HELQ: variants seen among roughly 807,000 people sequenced by gnomAD.
HELQ encodes the protein helicase POLQ-like.
In HELQ, 77 loss-of-function variants were observed where a neutral mutation model predicts 111.6. The observed-to-expected ratio is 0.69, with a 90% CI of 0.57 to 0.83. HELQ has a LOEUF of 0.83. Among genes scored for constraint, HELQ ranks in the 40% least tolerant of loss-of-function variants. HELQ has a pLI of 0.00. For synonymous variants in HELQ, 438 were observed against 454.7 expected (o/e 0.96, Z 0.47); for missense variants, 1,200 against 1,288.5 (o/e 0.93, Z 1.05).
intron 4 of HELQ, 69 bp from the exon 5 acceptor site, chr4:83,446,155 T>C (rs924887278): frequency 4.9e-6 from 5 of 1,019,712 alleles, no homozygotes; most frequent in Non-Finnish European, 7.6e-6. Context: ...AACATGCATA[T>C]ATTCATATGA....
At chr4:83,450,792 C>A (rs1721320953) in intron 2 of HELQ, among the ~76,000 whole-genome samples, 1 of 151,910 alleles carries the variant, frequency 6.6e-6, no homozygotes, top group African/African-American at 2.4e-5. Context: ...AAAATGAGAC[C>A]CTATCTCTAC....
chr4:83,455,477 C>G lies in HELQ; in HGVS notation c.217G>C (p.Glu73Gln). Residue 73 changes from glutamate (E) to glutamine (Q), a missense_variant, in exon 1 of 18, where the codon GAA (glutamate) becomes CAA (glutamine). By Grantham distance (29) the Glu-to-Gln change is conservative. This residue lies in a region of HELQ where 610 missense variants were observed against 607.1 expected (regional missense o/e 1.00). Transcript: ENST00000295488. ...VQPLLLSDSP[E>Q]CLVLGGGDTN... Reference sequence around the variant, plus strand: ...TCACCACCTCCAAGGACGAGACATTCCGGGGAATCTGAGAGTAGAAGGGGC... The same window carrying G: ...TCACCACCTCCAAGGACGAGACATTGCGGGGAATCTGAGAGTAGAAGGGGC... 6.2e-7 allele frequency: 1 copy of G among 1,614,200 alleles called. No homozygotes were observed. Among genetic ancestry groups the G allele is most frequent in the Non-Finnish European group, 8.5e-7 (1 of 1,180,040 alleles).
rs1481933770 is a variant in HELQ at position 83,443,561 on chromosome 4, G to GT, written c.1518dup (p.Gln507ThrfsTer14). 6.3e-7 allele frequency: 1 copy of GT among 1,594,472 alleles called. No homozygotes were observed. The highest frequency in any genetic ancestry group is 1.7e-5 in the Admixed American group (1 of 59,294). On this transcript the variant is annotated frameshift_variant, in exon 6 of 18. Transcript: ENST00000295488. LOFTEE classifies it high-confidence loss of function. Reference sequence around the variant, plus strand: ...TAATATTCTGCTTGAAGAAACTTTTGTAGGTCTTCAACATTGTTTAATGTT... The same window carrying GT: ...TAATATTCTGCTTGAAGAAACTTTTGTTAGGTCTTCAACATTGTTTAATGTT...
Position 83,455,503 on chromosome 4 carries a change from T to A in HELQ, c.191A>T (p.Gln64Leu). Reference protein sequence around the residue: ...KTAGVLPVEVQPLLLSDSPEC... With the variant: ...KTAGVLPVEVLPLLLSDSPEC... ...CGGGGAATCTGAGAGTAGAAGGGGCTGTACCTCAACCGGCAGTACGCCCGC... is the reference window on the plus strand; with the variant it reads ...CGGGGAATCTGAGAGTAGAAGGGGCAGTACCTCAACCGGCAGTACGCCCGC... Residue 64 changes from glutamine (Q) to leucine (L), a missense_variant, in exon 1 of 18, where the codon CAG (glutamine) becomes CTG (leucine). Around this residue, in one of 3 missense-constraint regions of HELQ, gnomAD observed 610 missense variants for 607.1 expected, o/e 1.00. Coordinates refer to ENST00000295488, the MANE Select transcript of HELQ (RefSeq NM_133636.5). 1 of 1,614,164 alleles carries A rather than the reference T, an allele frequency of 6.2e-7. No individual in the cohort carries two copies. Among genetic ancestry groups the A allele is most frequent in the Non-Finnish European group, 8.5e-7 (1 of 1,180,024 alleles).
intron 15 of HELQ, among the ~76,000 whole-genome samples, chr4:83,420,218 C>T (rs1739593939): frequency 6.6e-6 from 1 of 152,214 alleles, no homozygotes. Flanking sequence ...AAATCCATCA[C>T]AAATGCATAT....
In HELQ at chr4:83,446,998, A is replaced by T. The variant is rs1465154640; in HGVS notation, c.1229T>A (p.Phe410Tyr). Residue 410 changes from phenylalanine to tyrosine, a missense_variant, in exon 4 of 18, where the codon TTC becomes TAC. This residue lies in a region of HELQ where 610 missense variants were observed against 607.1 expected (regional missense o/e 1.00). Coordinates refer to ENST00000295488, the MANE Select transcript of HELQ (RefSeq NM_133636.5). ...GLSSFGIELGFFVEEYAGSKG... is the reference protein window; with the variant it reads ...GLSSFGIELGYFVEEYAGSKG... ...GCTTCCAGCATATTCTTCAACAAAG[A>T]AACCGAGTTCTATACCAAAACTTGA... is the stretch of plus-strand genomic sequence containing the variant. The T allele has an allele frequency of 6.2e-7, 1 of 1,613,762 alleles. No homozygotes were observed. The highest frequency in any genetic ancestry group is 8.5e-7 in the Non-Finnish European group (1 of 1,179,660).
chr4:83,430,265 A>C (rs1455068110), intron 11 of HELQ, among the ~76,000 whole-genome samples: 1 of 151,288 alleles, frequency 6.6e-6, no homozygotes, highest in Non-Finnish European at 1.5e-5. Context: ...CCTAGAACTT[A>C]AAGTATAATA....
chr4:83,450,962 G>A (rs567447360), intron 2 of HELQ, among the ~76,000 whole-genome samples: 1 of 152,256 alleles, frequency 6.6e-6, no homozygotes, highest in South Asian at 2.1e-4. Flanking sequence ...TGACGCAGTA[G>A]GTCTAGGGAA....
At chr4:83,439,445 C>T (rs563107840) in intron 8 of HELQ, among the ~76,000 whole-genome samples, 24 of 151,580 alleles carry the variant, frequency 1.6e-4, no homozygotes, top group Non-Finnish European at 3.2e-4. Context: ...CTGCAACCTC[C>T]GCCTCCCGGG....
intron 6 of HELQ, 46 bp downstream of exon 6, chr4:83,443,471 G>T: frequency 1.2e-6 from 1 of 848,352 alleles, no homozygotes; most frequent in Non-Finnish European, 1.9e-6. Flanking sequence ...TTCTAAGTTA[G>T]ATGAATACGA....
intron 15 of HELQ, among the ~76,000 whole-genome samples, chr4:83,420,880 G>C (rs1253111713): frequency 6.6e-6 from 1 of 152,066 alleles, no homozygotes; most frequent in Non-Finnish European, 1.5e-5. Context: ...CAAAGCTGCA[G>C]TGAGCCTGGA....
chr4:83,419,722 A>C (rs1739562195), intron 15 of HELQ, among the ~76,000 whole-genome samples: 1 of 152,002 alleles, frequency 6.6e-6, no homozygotes, highest in South Asian at 2.1e-4. Context: ...GACTTAAGAA[A>C]ATACATTTTA....
chr4:83,413,799 A>G (rs919483048), intron 17 of HELQ, among the ~76,000 whole-genome samples: 3 of 152,212 alleles, frequency 2.0e-5, no homozygotes, highest in Non-Finnish European at 2.9e-5. Flanking sequence ...TGGAAAGGCC[A>G]TATGTAGTTG....
At chr4:83,424,645 G>A (rs532661493) in intron 14 of HELQ, among the ~76,000 whole-genome samples, 1 of 152,108 alleles carries the variant, frequency 6.6e-6, no homozygotes, top group African/African-American at 2.4e-5. Flanking sequence ...TGCAACCTCT[G>A]CCTCCCAGAT....
Position 83,429,538 on chromosome 4 carries a change from C to G in HELQ, c.2504G>C (p.Arg835Pro). ...TAAACTCTTACCCTTAAATGAAGCA[C>G]GTCCCAACTTTGTAATATGAAAATT... is the stretch of plus-strand genomic sequence containing the variant. ...QYNFHITKLG[R>P]ASFKGTIDLA... Residue 835 changes from arginine to proline, a missense_variant, in exon 12 of 18, where the codon CGT becomes CCT. Physicochemically the swap from Arg to Pro is moderately radical, Grantham distance 103. Around this residue, in one of 3 missense-constraint regions of HELQ, gnomAD observed 585 missense variants for 665.3 expected, o/e 0.88. Transcript: ENST00000295488. 1 of 1,600,442 alleles carries G rather than the reference C, an allele frequency of 6.2e-7. No homozygotes were observed. Among genetic ancestry groups the G allele is most frequent in the African/African-American group, 1.3e-5 (1 of 74,590 alleles).
chr4:83,417,552 GTC>G (rs773224673), intron 16 of HELQ, among the ~76,000 whole-genome samples: 1 of 152,116 alleles, frequency 6.6e-6, no homozygotes, highest in Admixed American at 6.5e-5. Context: ...GACCACTGGT[GTC>G]TCTCTCTGTG....
intron 16 of HELQ, among the ~76,000 whole-genome samples, chr4:83,417,818 C>T (rs7679694): frequency 0.069 from 10,440 of 151,726 alleles, 1,235 homozygotes; most frequent in African/African-American, 0.24. Flanking sequence ...TAAGGACAAC[C>T]GGTAGCACAA....
In HELQ at chr4:83,445,144, C is replaced by T. The variant is rs544230724; in HGVS notation, c.1465+870G>A. ...GGCTGGAGAGTGGTGGCTGAGAATT[C>T]AGGCTGAAGAACGGCTTTGAAGGAA... On this transcript the variant is annotated intron_variant, in intron 5 of 17. Coordinates refer to ENST00000295488, the MANE Select transcript of HELQ (RefSeq NM_133636.5). 7.9e-4 allele frequency among the ~76,000 whole-genome samples: 120 copies of T among 152,302 alleles called. 1 individual carries two copies. Among genetic ancestry groups the T allele is most frequent in the Middle Eastern group, 6.8e-3 (2 of 294 alleles).
In HELQ at chr4:83,415,810, C is replaced by T. The variant is rs555567109; in HGVS notation, c.3198+921G>A. ...TACAGGTGTGGGCCACCACGCCTGG[C>T]TAATTTTTATACTTTTAGTAGAGAC... On this transcript the variant is annotated intron_variant, in intron 17 of 17. Transcript: ENST00000295488. Among the ~76,000 whole-genome samples, 40 of 151,970 alleles carry T rather than the reference C, an allele frequency of 2.6e-4. 1 individual carries two copies. The South Asian group carries it at 8.1e-3, about 31-fold the overall frequency.
Sources: allele counts gnomAD v4.1 joint callset (sites outside exome capture counted in the v4.1 genomes callset), GRCh38; gene constraint gnomAD v4.1.1; regional missense constraint gnomAD v4.1.1; transcripts MANE v1.5; gene names NCBI Gene and HGNC (gene_info 2026-07-23, HGNC 2026-07-21).